ADAMTSL1: variants seen among roughly 807,000 people sequenced by gnomAD.
ADAMTSL1 encodes ADAMTS like 1, also known as ADAMTS-like protein 1.
In ADAMTSL1, 126 loss-of-function variants were observed where a neutral mutation model predicts 201.8. The observed-to-expected ratio is 0.62, with a 90% CI of 0.54 to 0.72. The LOEUF is 0.72. Among genes scored for constraint, ADAMTSL1 ranks in the 30% least tolerant of loss-of-function variants. The pLI, the probability that ADAMTSL1 is intolerant of heterozygous loss-of-function variation, is 0.00. For missense variants in ADAMTSL1, 2,679 were observed against 2,277.8 expected (o/e 1.18, Z -3.59); for synonymous variants, 1,121 against 903.4 (o/e 1.24, Z -4.32).
intron 19 of ADAMTSL1, among the ~76,000 whole-genome samples, chr9:18,787,238 G>A (rs1196614970): frequency 1.3e-5 from 2 of 152,138 alleles, no homozygotes; most frequent in Non-Finnish European, 2.9e-5. Flanking sequence ...TGTAAGAATA[G>A]CAAGCCAGAG....
intron 2 of ADAMTSL1, among the ~76,000 whole-genome samples, chr9:18,180,726 A>T (rs1587245666): frequency 6.6e-6 from 1 of 152,128 alleles, no homozygotes. Context: ...TAATTTACAG[A>T]TTCAATGCCA....
At chr9:18,505,231 A>G (rs1038451904) in intron 2 of ADAMTSL1, among the ~76,000 whole-genome samples, 2 of 152,188 alleles carry the variant, frequency 1.3e-5, no homozygotes, top group Non-Finnish European at 2.9e-5. Context: ...ATCTGTTTTC[A>G]TGTTAGGACT....
chr9:18,753,170 G>A, intron 15 of ADAMTSL1, 128 bp from the exon 16 acceptor site: 1 of 847,266 alleles, frequency 1.2e-6, no homozygotes, highest in Non-Finnish European at 2.0e-6. Context: ...AGATAGAGCT[G>A]CCAGCCAATC....
intron 1 of ADAMTSL1, among the ~76,000 whole-genome samples, chr9:18,081,272 A>G (rs1260581388): frequency 6.6e-6 from 1 of 152,164 alleles, no homozygotes; most frequent in African/African-American, 2.4e-5. Context: ...TGTGTATGCT[A>G]TGTATCCCCA....
rs200848044 is a variant in ADAMTSL1, at chr9:18,164,356, AT to A, written c.207+377del. 1.7e-3 allele frequency among the ~76,000 whole-genome samples: 252 copies of A among 152,020 alleles called. No homozygotes were observed. The East Asian group carries it at 0.037, about 22-fold the overall frequency. On this transcript the variant is annotated intron_variant, in intron 2 of 29. Transcript: ENST00000680146. The stretch of plus-strand genomic sequence containing the variant: ...CAGATTGTTTTATGGGTCAGTGGAA[AT>A]TCCACTGTCTTCCAATCCTGGCTTC...
intron 2 of ADAMTSL1, among the ~76,000 whole-genome samples, chr9:18,176,050 G>A (rs1008023860): frequency 7.6e-5 from 11 of 145,610 alleles, no homozygotes; most frequent in Non-Finnish European, 1.2e-4. Flanking sequence ...CAAAGGTTTC[G>A]TTTGGCTAGA....
chr9:18,251,127 G>A (rs10738505), intron 2 of ADAMTSL1, among the ~76,000 whole-genome samples: 150,285 of 152,216 alleles, frequency 0.99, 74,223 homozygotes, highest in Middle Eastern at 1. Context: ...AAATTAATAG[G>A]TAAATGGATT....
At chr9:18,725,060 C>T (rs1302818379) in intron 15 of ADAMTSL1, among the ~76,000 whole-genome samples, 4 of 152,138 alleles carry the variant, frequency 2.6e-5, no homozygotes, top group African/African-American at 9.7e-5. Context: ...GCGCCCACCA[C>T]CACGCCTGGC....
chr9:18,488,885 G>C (rs547648782), intron 1 of ADAMTSL1, among the ~76,000 whole-genome samples: 1 of 152,160 alleles, frequency 6.6e-6, no homozygotes, highest in African/African-American at 2.4e-5. Context: ...TGAATTTGTG[G>C]GGTCTGGAGC....
intron 1 of ADAMTSL1, among the ~76,000 whole-genome samples, chr9:17,945,709 C>T (rs1237220581): frequency 7.3e-5 from 11 of 151,606 alleles, no homozygotes; most frequent in East Asian, 3.9e-4. Context: ...AGTAAACTAT[C>T]GCAAGAACAA....
intron 2 of ADAMTSL1, among the ~76,000 whole-genome samples, chr9:18,324,959 G>A (rs557109129): frequency 1.6e-4 from 25 of 152,108 alleles, no homozygotes; most frequent in Middle Eastern, 3.4e-3. Context: ...ACTTCACAGC[G>A]AAAGATATAT....
intron 1 of ADAMTSL1, among the ~76,000 whole-genome samples, chr9:17,910,891 C>T (rs1825886918): frequency 1.5e-5 from 1 of 68,718 alleles, no homozygotes; most frequent in African/African-American, 2.9e-5. Flanking sequence ...ATGATTTGAA[C>T]ATTATTTGGA....
At chr9:18,262,735 A>T (rs1831971691) in intron 2 of ADAMTSL1, among the ~76,000 whole-genome samples, 2 of 152,240 alleles carry the variant, frequency 1.3e-5, no homozygotes, top group Admixed American at 6.5e-5. Context: ...ATTCCAGAAA[A>T]GTTCATCGGG....
chr9:17,986,505 C>A, intron 1 of ADAMTSL1, among the ~76,000 whole-genome samples: 1 of 152,060 alleles, frequency 6.6e-6, no homozygotes, highest in East Asian at 1.9e-4. Flanking sequence ...GATCTGTAAT[C>A]CTCTGTCATT....
At chr9:18,237,962 G>A (rs971932528) in intron 2 of ADAMTSL1, among the ~76,000 whole-genome samples, 12 of 152,248 alleles carry the variant, frequency 7.9e-5, no homozygotes, top group Admixed American at 2.6e-4. Context: ...TGGCAGAGGA[G>A]GCAGAATGCC....
At chr9:18,068,384 G>T (rs1023294976) in intron 1 of ADAMTSL1, among the ~76,000 whole-genome samples, 3 of 152,150 alleles carry the variant, frequency 2.0e-5, no homozygotes. Flanking sequence ...CATTTACCTT[G>T]AATTAGGTAT....
chr9:18,817,099 T>G lies in ADAMTSL1; in HGVS notation c.3806-10T>G, dbSNP rs1823906127. ...ACCAAGTAACATCTCATATTCTTTCTTATCTTCAGGAAAGCCACTAGTGAA... is the reference window on the plus strand; with the variant it reads ...ACCAAGTAACATCTCATATTCTTTCGTATCTTCAGGAAAGCCACTAGTGAA... On this transcript the variant is annotated splice_polypyrimidine_tract_variant and intron_variant, in intron 20 of 28. Coordinates refer to ENST00000380548, the MANE Select transcript of ADAMTSL1 (RefSeq NM_001040272.6). 6.2e-7 allele frequency: 1 copy of G among 1,608,508 alleles called. No homozygotes were observed. The highest frequency in any genetic ancestry group is 1.3e-5 in the African/African-American group (1 of 74,846).
chr9:18,903,595 T>A (rs1053376377), intron 26 of ADAMTSL1, among the ~76,000 whole-genome samples: 1 of 152,202 alleles, frequency 6.6e-6, no homozygotes, highest in Non-Finnish European at 1.5e-5. Context: ...TCAAAAACTA[T>A]AATGAATGTC....
At chr9:18,664,378 G>A (rs1587837434) in intron 9 of ADAMTSL1, among the ~76,000 whole-genome samples, 1 of 151,316 alleles carries the variant, frequency 6.6e-6, no homozygotes, top group Non-Finnish European at 1.5e-5. Flanking sequence ...AAACCCCCAG[G>A]AAGCTGTTTT....
Sources: allele counts gnomAD v4.1 joint callset (sites outside exome capture counted in the v4.1 genomes callset), GRCh38; gene constraint gnomAD v4.1.1; transcripts MANE v1.5; gene names NCBI Gene and HGNC (gene_info 2026-07-23, HGNC 2026-07-21).